The following MIA2 variants were observed in gnomAD, a reference collection of about 807,000 sequenced individuals.
The protein encoded by MIA2 is MIA SH3 domain ER export factor 2, also known as melanoma inhibitory activity protein 2.
A neutral mutation model predicts 167.8 loss-of-function variants in MIA2; 127 were observed. The ratio of observed to expected loss-of-function variants is 0.76; its 90% CI spans 0.66 to 0.88. MIA2 has a LOEUF of 0.88. Ranked by LOEUF, MIA2 falls within the 40% of genes least tolerant of loss-of-function variation. MIA2 has a pLI of 0.00. For synonymous variants in MIA2, 552 were observed against 541.9 expected, an observed-to-expected ratio of 1.02 and a Z score of -0.26; for missense variants, 1,690 against 1,624.7, an observed-to-expected ratio of 1.04 and a Z score of -0.69.
chr14:39,267,500 T>C (rs772241512), intron 6 of MIA2: 1 of 1,613,632 alleles, frequency 6.2e-7, no homozygotes, highest in Admixed American at 1.7e-5. Context: ...TATTTGGGGC[T>C]GCTCCTGGAG....
intron 27 of MIA2, 62 bp downstream of exon 27, chr14:39,347,833 T>C: frequency 1.4e-6 from 2 of 1,439,340 alleles, no homozygotes; most frequent in South Asian, 1.3e-5. Context: ...TTTTTTTTTT[T>C]TTTTTTTTAT....
At chr14:39,256,487 G>C (rs1241200139) in intron 6 of MIA2, among the ~76,000 whole-genome samples, 5 of 151,936 alleles carry the variant, frequency 3.3e-5, no homozygotes, top group African/African-American at 4.8e-5. Flanking sequence ...TCAAGTACTA[G>C]GGATCAACAC....
At chr14:39,366,435 C>T (rs902424943) in intron 23 of MIA2, among the ~76,000 whole-genome samples, 1 of 152,050 alleles carries the variant, frequency 6.6e-6, no homozygotes, top group Non-Finnish European at 1.5e-5. Context: ...TTTGAGTTTC[C>T]AGGTGGCACA....
At position 39,296,862 on chromosome 14, in the gene MIA2, A is replaced by G. The variant is rs1229619153; in HGVS notation, c.2496+1833A>G. ...CTGATCTTGGCTCACTGCAACCTCCACCTCCCGCGTTCAAGTGATTCTCGT... is the reference window on the plus strand; with the variant it reads ...CTGATCTTGGCTCACTGCAACCTCCGCCTCCCGCGTTCAAGTGATTCTCGT... On this transcript the variant is annotated intron_variant, in intron 13 of 28. Transcript: ENST00000640607. Among the ~76,000 whole-genome samples, 5 of 149,888 alleles carry G rather than the reference A, an allele frequency of 3.3e-5. No homozygotes were observed. In the East Asian group the frequency reaches 7.8e-4, roughly 23 times the overall value.
chr14:39,315,160 G>A lies in MIA2; in HGVS notation c.3180+361G>A, dbSNP rs1220175574. On this transcript the variant is annotated intron_variant, in intron 20 of 28. Transcript: ENST00000640607. ...AAAAAAAAAAAATACAAAAATAGCC[G>A]GGTATGGTGGCACATGCCTGTAATC... 7 of 168,282 alleles carry A rather than the reference G, an allele frequency of 4.2e-5. No individual in the cohort carries two copies. In the East Asian group the frequency reaches 4.7e-4, roughly 11 times the overall value. The allele number at this position is 168,282 out of a possible 1,614,324, so 10.4% of individuals were successfully genotyped here. A position where few individuals can be genotyped will look rare whatever the true frequency, so the allele number is the denominator to read the frequency against.
Position 39,357,734 on chromosome 14 carries a change from G to A in MIA2, c.2248+8757G>A, listed in dbSNP as rs186669848. On this transcript the variant is annotated intron_variant, in intron 23 of 23. Transcript: ENST00000341502. ...TGTAGTGCTTCCTTCAGGAGCTCCC[G>A]TAGGGCAGGCCTGGTGGTGACAAAA... Among the ~76,000 whole-genome samples the A allele has an allele frequency of 6.3e-3, 957 of 152,278 alleles. 5 individuals carry two copies. Among genetic ancestry groups the A allele is most frequent in the Non-Finnish European group, 0.011 (736 of 68,024 alleles).
intron 6 of MIA2, among the ~76,000 whole-genome samples, chr14:39,264,813 A>G (rs549863504): frequency 2.9e-4 from 44 of 152,348 alleles, no homozygotes; most frequent in Admixed American, 8.5e-4. Flanking sequence ...CATAAGGGAA[A>G]TCAGTGTCTA....
intron 6 of MIA2, chr14:39,265,480 TTTG>T (rs1359107320): frequency 1.6e-5 from 22 of 1,361,550 alleles, no homozygotes; most frequent in Non-Finnish European, 8.3e-6. Flanking sequence ...TTGCACTAAG[TTTG>T]TTAAGCTTTA....
At chr14:39,347,815 C>CGCCTTT in intron 27 of MIA2, 44 bp downstream of exon 27, 1 of 1,048,964 alleles carries the variant, frequency 9.5e-7, no homozygotes, top group Admixed American at 3.6e-5. Flanking sequence ...ATTCAGAAGC[C>CGCCTTT]TTCTTTTTTT....
At position 39,370,524 on chromosome 14, in the gene MIA2, A is replaced by G. The variant is rs931802299; in HGVS notation, c.2249-16361A>G. The stretch of plus-strand genomic sequence containing the variant: ...CCATCACTTTGTAGGCCAGATTGTC[A>G]TGGAGACTGCGCAGTTGTAGGATAT... On this transcript the variant is annotated intron_variant, in intron 23 of 23. Coordinates refer to the MIA2 transcript ENST00000341502. The G allele has an allele frequency of 3.7e-5, 12 of 321,722 alleles. 1 individual carries two copies. Among genetic ancestry groups the G allele is most frequent in the African/African-American group, 8.8e-5 (4 of 45,484 alleles). 19.9% of individuals were successfully genotyped at this position (321,722 alleles called of 1,614,324 possible).
At position 39,293,904 on chromosome 14, in the gene MIA2, G is replaced by A. The variant is rs1037680002; in HGVS notation, c.2320-96G>A. The A allele has an allele frequency of 2.8e-5, 25 of 895,064 alleles. No individual in the cohort carries two copies. In the Admixed American group the frequency reaches 5.6e-4, roughly 20 times the overall value. The allele number at this position is 895,064 out of a possible 1,614,324, so 55.4% of individuals were successfully genotyped here. A position where few individuals can be genotyped will look rare whatever the true frequency, so the allele number is the denominator to read the frequency against. On this transcript the variant is annotated intron_variant, in intron 11 of 28. Coordinates refer to ENST00000640607, the MANE Select transcript of MIA2 (RefSeq NM_001329214.4). ...GTTTCTTAATTTGAGCTTCACTTAT[G>A]GAGCTAAAGTGTTAGGTTAACAGTA...
intron 6 of MIA2, chr14:39,266,544 G>C: frequency 1.0e-6 from 1 of 985,534 alleles, no homozygotes; most frequent in Non-Finnish European, 1.2e-6. Flanking sequence ...GAGGAAACCA[G>C]ATCGAGGTTC....
intron 7 of MIA2, among the ~76,000 whole-genome samples, chr14:39,277,692 G>A (rs927293456): frequency 0.16 from 591 of 3,660 alleles, 122 homozygotes; most frequent in Non-Finnish European, 0.2. Flanking sequence ...ATATATGTGT[G>A]TATATATATA....
At chr14:39,266,615 C>T (rs1258581353) in intron 6 of MIA2, 2 of 985,414 alleles carry the variant, frequency 2.0e-6, no homozygotes, top group Non-Finnish European at 2.4e-6. Flanking sequence ...GCCTTCCTGT[C>T]TAAAGTCCAA....
chr14:39,345,340 C>G (rs2073000193), intron 25 of MIA2, among the ~76,000 whole-genome samples: 1 of 152,120 alleles, frequency 6.6e-6, no homozygotes, highest in Non-Finnish European at 1.5e-5. Flanking sequence ...TCTCAAAGTG[C>G]TGGTATTACA....
At chr14:39,271,066 T>C (rs777764402) in intron 6 of MIA2, among the ~76,000 whole-genome samples, 4 of 152,228 alleles carry the variant, frequency 2.6e-5, no homozygotes, top group Admixed American at 6.5e-5. Context: ...TTTACAGTTA[T>C]GCTTCCTTCT....
intron 25 of MIA2, among the ~76,000 whole-genome samples, chr14:39,327,269 A>C (rs190335816): frequency 1.8e-3 from 275 of 152,270 alleles, no homozygotes; most frequent in African/African-American, 6.0e-3. Flanking sequence ...GTAATAATGC[A>C]TGTTTACTTT....
chr14:39,234,744 T>A (rs1243603290), intron 1 of MIA2, among the ~76,000 whole-genome samples: 2 of 152,142 alleles, frequency 1.3e-5, no homozygotes, highest in African/African-American at 4.8e-5. Flanking sequence ...TAAATGTTAA[T>A]CATTTCTGTG....
At chr14:39,301,827 T>C (rs928877517) in intron 14 of MIA2, among the ~76,000 whole-genome samples, 3 of 152,224 alleles carry the variant, frequency 2.0e-5, no homozygotes, top group African/African-American at 7.2e-5. Context: ...GGCACTGTTA[T>C]TTGTGGCATG....
Sources: allele counts gnomAD v4.1 joint callset (sites outside exome capture counted in the v4.1 genomes callset), GRCh38; gene constraint gnomAD v4.1.1; transcripts MANE v1.5; gene names NCBI Gene and HGNC (gene_info 2026-07-23, HGNC 2026-07-21).